The following SRPK2 variants were observed in gnomAD, a reference collection of about 807,000 sequenced individuals.
SRPK2 encodes SRSF protein kinase 2, also known as SFRS protein kinase 2.
SRPK2 carries 21 observed loss-of-function variants against 90.8 expected under a neutral mutation model. The ratio of observed to expected loss-of-function variants is 0.23; its 90% confidence interval spans 0.16 to 0.33. The LOEUF (loss-of-function observed/expected upper bound fraction) is 0.33. Ranked by LOEUF, SRPK2 falls within the 10% of genes least tolerant of loss-of-function variation. SRPK2 has a pLI of 1.00. For missense variants in SRPK2, 620 were observed against 869.0 expected (o/e 0.71, Z 3.60); for synonymous variants, 288 against 311.1 (o/e 0.93, Z 0.78).
intron 2 of SRPK2, among the ~76,000 whole-genome samples, chr7:105,300,278 A>G (rs909165224): frequency 7.5e-6 from 1 of 134,152 alleles, no homozygotes; most frequent in African/African-American, 2.8e-5. Flanking sequence ...AAAAAAAAAA[A>G]GTATATATAT....
chr7:105,115,576 G>C (rs1022553805), downstream of SRPK2: 3 of 152,174 alleles, frequency 2.0e-5, no homozygotes, highest in Non-Finnish European at 4.4e-5. Flanking sequence ...AGCATAACCA[G>C]TGGTTCTCAT....
intron 2 of SRPK2, among the ~76,000 whole-genome samples, chr7:105,286,433 T>G (rs538888511): frequency 6.6e-5 from 10 of 152,324 alleles, no homozygotes; most frequent in African/African-American, 2.4e-4. Context: ...ATAAAGAAGA[T>G]CAAAATTTTT....
At chr7:105,236,134 G>A (rs1217354644) in intron 2 of SRPK2, among the ~76,000 whole-genome samples, 3 of 152,158 alleles carry the variant, frequency 2.0e-5, no homozygotes, top group Non-Finnish European at 4.4e-5. Context: ...GTCTGAGAAG[G>A]TGCCTTCCTA....
intron 2 of SRPK2, among the ~76,000 whole-genome samples, chr7:105,355,333 GAAAA>G (rs113908560): frequency 2.7e-5 from 4 of 147,360 alleles, no homozygotes; most frequent in African/African-American, 9.9e-5. Flanking sequence ...TCATCTCTAC[GAAAA>G]AAAAAAAATT....
intron 7 of SRPK2, among the ~76,000 whole-genome samples, chr7:105,147,993 A>C (rs1018088434): frequency 2.0e-5 from 3 of 152,168 alleles, no homozygotes; most frequent in African/African-American, 7.2e-5. Flanking sequence ...TTGTGTGAAC[A>C]TACTTTTTTT....
intron 2 of SRPK2, among the ~76,000 whole-genome samples, chr7:105,328,354 G>C (rs1158999603): frequency 1.3e-5 from 2 of 151,846 alleles, no homozygotes; most frequent in East Asian, 3.9e-4. Context: ...TTGAAGTCAA[G>C]AGTTTGAGAC....
chr7:105,365,536 G>A (rs1818945915), intron 2 of SRPK2, among the ~76,000 whole-genome samples: 1 of 147,160 alleles, frequency 6.8e-6, no homozygotes, highest in African/African-American at 2.5e-5. Context: ...ATTTAGGCCA[G>A]GTGCAATGGC....
At chr7:105,333,503 A>C (rs577941262) in intron 2 of SRPK2, among the ~76,000 whole-genome samples, 21 of 152,336 alleles carry the variant, frequency 1.4e-4, no homozygotes, top group African/African-American at 5.1e-4. Context: ...AATACATTAC[A>C]GAACAAAGAG....
intron 2 of SRPK2, among the ~76,000 whole-genome samples, chr7:105,331,331 A>AAAAAAAAAAAC (rs1814357133): frequency 6.8e-6 from 1 of 146,316 alleles, no homozygotes; most frequent in Non-Finnish European, 1.5e-5. Flanking sequence ...AAAAAAAAAA[A>AAAAAAAAAAAC]AAAAAACAAA....
intron 2 of SRPK2, among the ~76,000 whole-genome samples, chr7:105,321,851 G>A (rs1812976309): frequency 6.6e-6 from 1 of 152,086 alleles, no homozygotes; most frequent in Non-Finnish European, 1.5e-5. Flanking sequence ...ACTGCTGGTG[G>A]GAATATAAAA....
At chr7:105,146,688 A>G in intron 7 of SRPK2, 30 bp from the exon 8 acceptor site, 1 of 1,605,678 alleles carries the variant, frequency 6.2e-7, no homozygotes, top group Admixed American at 1.7e-5. Context: ...GAGAGAAGAT[A>G]AGCTATTAAT....
chr7:105,168,982 A>G (rs752939245), intron 4 of SRPK2, among the ~76,000 whole-genome samples, 175 bp downstream of exon 4: 3 of 152,142 alleles, frequency 2.0e-5, no homozygotes, highest in Non-Finnish European at 2.9e-5. Flanking sequence ...TAAGATTTCA[A>G]ATGAACTTCA....
intron 3 of SRPK2, among the ~76,000 whole-genome samples, chr7:105,191,655 A>C (rs1211048623): frequency 6.6e-6 from 1 of 152,130 alleles, no homozygotes; most frequent in East Asian, 1.9e-4. Context: ...TCCAGGACTT[A>C]GAAGTGTGTG....
chr7:105,356,185 A>T (rs1411947805), intron 2 of SRPK2, among the ~76,000 whole-genome samples: 1 of 152,132 alleles, frequency 6.6e-6, no homozygotes, highest in Admixed American at 6.6e-5. Flanking sequence ...CATCCTCTCC[A>T]TTGAAGCTTA....
At chr7:105,158,827 T>C (rs1371375581) in intron 7 of SRPK2, among the ~76,000 whole-genome samples, 5 of 150,982 alleles carry the variant, frequency 3.3e-5, no homozygotes, top group Non-Finnish European at 7.4e-5. Flanking sequence ...TTTTTTTTTT[T>C]AAAGACTTTA....
intron 2 of SRPK2, among the ~76,000 whole-genome samples, chr7:105,371,951 G>A (rs975097106): frequency 6.6e-5 from 10 of 151,980 alleles, no homozygotes; most frequent in Middle Eastern, 3.4e-3. Flanking sequence ...TGGCTATCAC[G>A]GTGAAACCCC....
chr7:105,254,581 A>T (rs1159396869), intron 2 of SRPK2, among the ~76,000 whole-genome samples: 2 of 152,250 alleles, frequency 1.3e-5, no homozygotes. Context: ...TGTTAAGTAT[A>T]AAATGCCAGT....
intron 11 of SRPK2, among the ~76,000 whole-genome samples, chr7:105,141,568 A>G (rs1001269737): frequency 6.6e-6 from 1 of 152,230 alleles, no homozygotes; most frequent in African/African-American, 2.4e-5. Flanking sequence ...ACAACTATCA[A>G]AAGACAATAT....
At position 105,142,188 on chromosome 7, in the gene SRPK2, T is replaced by C; in HGVS notation, c.1363A>G (p.Lys455Glu). Reference sequence around the variant, plus strand: ...TCTGGGAACTGTGACTCGGGAATTTTATGTCGTCCATTTGGCAATTCACCA... The same window carrying C: ...TCTGGGAACTGTGACTCGGGAATTTCATGTCGTCCATTTGGCAATTCACCA... ...FNGELPNGRH[K>E]IPESQFPEFS... is the part of the protein sequence containing the mutation. The change falls in exon 11 of 16, where the codon AAA becomes GAA. Residue 455 changes from lysine to glutamate, a missense_variant. Physicochemically the swap from Lys to Glu is moderately conservative, Grantham distance 56 (BLOSUM62 1). This residue lies in a region of SRPK2 where 243 missense variants were observed against 245.7 expected (regional missense o/e 0.99). Transcript: ENST00000393651. 5.0e-6 allele frequency: 8 copies of C among 1,614,152 alleles called. No individual in the cohort carries two copies. Among genetic ancestry groups the C allele is most frequent in the Non-Finnish European group, 6.8e-6 (8 of 1,180,036 alleles).
Sources: allele counts gnomAD v4.1 joint callset (sites outside exome capture counted in the v4.1 genomes callset), GRCh38; gene constraint gnomAD v4.1.1; regional missense constraint gnomAD v4.1.1; transcripts MANE v1.5; gene names NCBI Gene and HGNC (gene_info 2026-07-23, HGNC 2026-07-21).